Variants in ADGRE3 observed in about 807,000 individuals in gnomAD.
ADGRE3 encodes the protein adhesion G protein-coupled receptor E3, also known as EGF-like module receptor 3.
ADGRE3 carries 88 observed loss-of-function variants against 80.1 expected under a neutral mutation model. The ratio of observed to expected loss-of-function variants is 1.10; its 90% CI spans 0.93 to 1.31. The LOEUF (loss-of-function observed/expected upper bound fraction) is 1.31, where lower values mean the gene tolerates loss of function less well. Ranked by LOEUF, ADGRE3 falls within the 40% of genes most tolerant of loss-of-function variation. The pLI, the probability that ADGRE3 is intolerant of heterozygous loss-of-function variation, is 0.00. For synonymous variants in ADGRE3, 281 were observed against 294.8 expected (o/e 0.95, Z 0.48); for missense variants, 715 against 776.5 (o/e 0.92, Z 0.94).
the ADGRE3 span, chr19:14,600,304 C>CT: frequency 1.7e-6 from 2 of 1,183,876 alleles, no homozygotes; most frequent in African/African-American, 1.5e-5. Context: ...GTTACTAAAA[C>CT]TTTAACAGCA....
the ADGRE3 span, among the ~76,000 whole-genome samples, chr19:14,607,725 C>T: frequency 2.0e-5 from 3 of 151,632 alleles, no homozygotes; most frequent in African/African-American, 4.8e-5. Flanking sequence ...TACAGACACC[C>T]GCCGTCGTGC....
chr19:14,614,304 T>C (rs1289456580), downstream of ADGRE3, among the ~76,000 whole-genome samples: 1 of 152,078 alleles, frequency 6.6e-6, no homozygotes, highest in African/African-American at 2.4e-5. Flanking sequence ...TATTGAGAAA[T>C]GGGGAAGCAG....
At chr19:14,650,642 TCTCTC>T (rs1971574899) in intron 7 of ADGRE3, among the ~76,000 whole-genome samples, 4 of 87,312 alleles carry the variant, frequency 4.6e-5, no homozygotes, top group African/African-American at 1.3e-4. Flanking sequence ...TCTCTCTCTC[TCTCTC>T]TCTCTCTCTC....
chr19:14,661,702 T>C (rs1971947716), intron 4 of ADGRE3, among the ~76,000 whole-genome samples: 2 of 152,134 alleles, frequency 1.3e-5, no homozygotes, highest in African/African-American at 4.8e-5. Context: ...CTGCCGCCTG[T>C]AAAAAGTCCC....
intron 7 of ADGRE3, 128 bp from the exon 8 acceptor site, chr19:14,647,493 T>C: frequency 4.4e-6 from 3 of 680,620 alleles, no homozygotes; most frequent in Non-Finnish European, 7.0e-6. Flanking sequence ...CTTGGCTCAC[T>C]GCAACCTCCG....
At chr19:14,649,633 TC>T (rs1450586273) in intron 7 of ADGRE3, among the ~76,000 whole-genome samples, 4 of 117,740 alleles carry the variant, frequency 3.4e-5, no homozygotes, top group Non-Finnish European at 7.2e-5. Context: ...TCTCCATCTC[TC>T]CCTCCCCATC....
intron 4 of ADGRE3, among the ~76,000 whole-genome samples, chr19:14,659,955 G>A (rs1463188030): frequency 2.7e-4 from 41 of 150,368 alleles, no homozygotes; most frequent in Non-Finnish European, 4.4e-5. Flanking sequence ...TTGCTTAAAA[G>A]CACAAACAGC....
At chr19:14,604,632 G>A in the ADGRE3 span, among the ~76,000 whole-genome samples, 1 of 150,756 alleles carries the variant, frequency 6.6e-6, no homozygotes, top group Non-Finnish European at 1.5e-5. Context: ...GCATGGTGGC[G>A]CGTGGCTGTA....
At chr19:14,627,465 C>T (rs1396376639) in intron 14 of ADGRE3, among the ~76,000 whole-genome samples, 1 of 152,124 alleles carries the variant, frequency 6.6e-6, no homozygotes, top group Non-Finnish European at 1.5e-5. Flanking sequence ...GCAACCTCTG[C>T]CTGCCAGGTT....
At chr19:14,663,568 T>C (rs1016208523) in intron 2 of ADGRE3, 28 bp from the exon 3 acceptor site, 8 of 1,601,970 alleles carry the variant, frequency 5.0e-6, no homozygotes, top group African/African-American at 2.7e-5. Flanking sequence ...GCAGGTTAAA[T>C]GGACTGGGGT....
rs1406471815 is a variant in ADGRE3, at chr19:14,650,872, C to A, written c.697+213G>T. Among the ~76,000 whole-genome samples, 6 of 152,222 alleles carry A rather than the reference C, an allele frequency of 3.9e-5. No homozygotes were observed. The South Asian group carries it at 6.2e-4, about 16-fold the overall frequency. On this transcript the variant is annotated intron_variant, in intron 7 of 15. Transcript: ENST00000253673. The stretch of plus-strand genomic sequence containing the variant: ...CACAGGCAGAACAGCACTCCCCCAC[C>A]ATCCCAAATTGCAAAGTCCCTCCCA...
At chr19:14,666,094 T>A (rs948767803) in intron 2 of ADGRE3, among the ~76,000 whole-genome samples, 6 of 151,010 alleles carry the variant, frequency 4.0e-5, no homozygotes, top group African/African-American at 1.5e-4. Context: ...TGTACAATGC[T>A]TCTTTTCCTC....
intron 14 of ADGRE3, among the ~76,000 whole-genome samples, chr19:14,627,292 C>A (rs1344532036): frequency 6.6e-6 from 1 of 152,168 alleles, no homozygotes; most frequent in East Asian, 1.9e-4. Context: ...AACACCCATA[C>A]CTACATATAA....
intron 14 of ADGRE3, among the ~76,000 whole-genome samples, chr19:14,626,697 A>C (rs1324722733): frequency 6.6e-6 from 1 of 152,202 alleles, no homozygotes; most frequent in Non-Finnish European, 1.5e-5. Context: ...AGGGAAGAGA[A>C]GGCAGCTGGT....
At chr19:14,608,875 C>T in the ADGRE3 span, among the ~76,000 whole-genome samples, 1 of 151,178 alleles carries the variant, frequency 6.6e-6, no homozygotes, top group Non-Finnish European at 1.5e-5. Flanking sequence ...TCTTGGCTCA[C>T]TGCAACTTCT....
At chr19:14,658,604 A>T in intron 4 of ADGRE3, 54 bp from the exon 5 acceptor site, 1 of 1,382,204 alleles carries the variant, frequency 7.2e-7, no homozygotes, top group South Asian at 1.5e-5. Flanking sequence ...GACCAGGCAG[A>T]GGGGTGGGCA....
In ADGRE3 at chr19:14,641,520, C is replaced by A. The variant is rs1357027922; in HGVS notation, c.1147G>T (p.Ala383Ser). 3.7e-6 allele frequency: 6 copies of A among 1,613,758 alleles called. No individual in the cohort carries two copies. The highest frequency in any genetic ancestry group is 5.1e-6 in the Non-Finnish European group (6 of 1,179,712). The part of the protein sequence containing the change: ...LAALTFLLCK[A>S]IRNTSTSLHL... ...AGTGAGGTGCTGGTGTTCCGGATGG[C>A]TTTACACAGGAGAAAAGTGAGGGCC... is the stretch of plus-strand genomic sequence containing the variant. Residue 383 changes from alanine to serine, a missense_variant, in exon 10 of 16, where the codon GCC becomes TCC. Transcript: ENST00000253673.
chr19:14,624,607 T>C (rs1038964791), intron 15 of ADGRE3, among the ~76,000 whole-genome samples: 1 of 151,256 alleles, frequency 6.6e-6, no homozygotes, highest in Non-Finnish European at 1.5e-5. Flanking sequence ...TAAAAAAAAT[T>C]AGTAGGGCAT....
downstream of ADGRE3, among the ~76,000 whole-genome samples, chr19:14,615,864 A>G (rs1599593005): frequency 6.6e-6 from 1 of 151,966 alleles, no homozygotes; most frequent in South Asian, 2.1e-4. Flanking sequence ...GGTTCAAGCA[A>G]TCCTCCCGCC....
Sources: allele counts gnomAD v4.1 joint callset (sites outside exome capture counted in the v4.1 genomes callset), GRCh38; gene constraint gnomAD v4.1.1; transcripts MANE v1.5; gene names NCBI Gene and HGNC (gene_info 2026-07-23, HGNC 2026-07-21).